SLC26A8: variants seen among roughly 807,000 people sequenced by gnomAD.
The protein encoded by SLC26A8 is testis anion transporter 1.
SLC26A8 carries 70 observed loss-of-function variants against 105.0 expected under a neutral mutation model. The ratio of observed to expected loss-of-function variants is 0.67; its 90% CI spans 0.55 to 0.81. The LOEUF is 0.81. SLC26A8 is among the 40% of genes least tolerant of loss of function. The probability of loss-of-function intolerance (pLI) is 0.00; values close to 1 mark genes in which losing one functional copy is unlikely to be tolerated. For missense variants in SLC26A8, 998 were observed against 1,181.8 expected, an observed-to-expected ratio of 0.84 and a Z score of 2.28; for synonymous variants, 415 against 438.3, an observed-to-expected ratio of 0.95 and a Z score of 0.66.
At chr6:35,977,147 G>A in intron 9 of SLC26A8, 57 bp downstream of exon 9, 1 of 1,553,770 alleles carries the variant, frequency 6.4e-7, no homozygotes, top group South Asian at 1.2e-5. Context: ...ATGTTGGCAG[G>A]AGGCTTTGAT....
intron 11 of SLC26A8, among the ~76,000 whole-genome samples, chr6:35,965,387 G>T (rs1772467321): frequency 6.6e-6 from 1 of 151,958 alleles, no homozygotes; most frequent in Non-Finnish European, 1.5e-5. Flanking sequence ...AAGCATTTTT[G>T]CTCACACCTG....
rs550588031 is a variant in SLC26A8 at position 35,977,242 on chromosome 6, T to C, written c.1135A>G (p.Ile379Val). ...ACACTGTAATTGTGAAGACTGGCAA[T>C]CTTCTTGCCCAGAAATATGAGCAGA... ...SFLLIFLGKK[I>V]ASLHNYSVNS... Residue 379 changes from isoleucine (I) to valine (V), a missense_variant, in exon 9 of 20, where the codon ATT becomes GTT. Transcript: ENST00000490799. The C allele has an allele frequency of 7.4e-4, 1,202 of 1,614,070 alleles. 21 individuals are homozygous for C. The South Asian group carries it at 0.012, about 17-fold the overall frequency.
At chr6:35,992,984 T>A (rs1761220812) in intron 5 of SLC26A8, among the ~76,000 whole-genome samples, 1 of 152,026 alleles carries the variant, frequency 6.6e-6, no homozygotes, top group Non-Finnish European at 1.5e-5. Context: ...GACAAGGTGA[T>A]CAGAACAAGC....
In SLC26A8 at chr6:35,947,212, G is replaced by A. The variant is rs1304179680; in HGVS notation, c.2473-2872C>T. 4.0e-5 allele frequency among the ~76,000 whole-genome samples: 6 copies of A among 151,448 alleles called. No homozygotes were observed. In the South Asian group the frequency reaches 1.3e-3, roughly 32 times the overall value. Reference sequence around the variant, plus strand: ...CCCAGCTAATTTTTTTGTATTTTTTGTAGAGACAGGGTTTTGTCATGTTGG... The same window carrying A: ...CCCAGCTAATTTTTTTGTATTTTTTATAGAGACAGGGTTTTGTCATGTTGG... On this transcript the variant is annotated intron_variant, in intron 19 of 19. Coordinates refer to ENST00000490799, the MANE Select transcript of SLC26A8 (RefSeq NM_052961.4).
chr6:35,951,609 T>C, intron 17 of SLC26A8, 110 bp from the exon 18 acceptor site: 1 of 1,077,270 alleles, frequency 9.3e-7, no homozygotes, highest in South Asian at 1.3e-5. Flanking sequence ...TGACAGAGTC[T>C]CACTCTGTCA....
intron 16 of SLC26A8, among the ~76,000 whole-genome samples, chr6:35,958,298 G>C (rs192467091): frequency 1.3e-5 from 2 of 152,118 alleles, no homozygotes; most frequent in East Asian, 3.9e-4. Context: ...TCTTGAGTTC[G>C]AGACCAGCCT....
chr6:35,963,013 A>C (rs1372648204), intron 11 of SLC26A8, among the ~76,000 whole-genome samples: 1 of 152,132 alleles, frequency 6.6e-6, no homozygotes, highest in Non-Finnish European at 1.5e-5. Flanking sequence ...TGCCAAAAAC[A>C]CAAGGCAAGG....
chr6:35,951,394 C>G (rs768433191), intron 18 of SLC26A8, 47 bp from the exon 19 acceptor site: 3 of 1,613,892 alleles, frequency 1.9e-6, no homozygotes, highest in Non-Finnish European at 2.5e-6. Context: ...ACTTGGGGAG[C>G]AGAGGACCCA....
intron 8 of SLC26A8, among the ~76,000 whole-genome samples, chr6:35,980,315 T>C (rs968674399): frequency 2.0e-5 from 3 of 152,194 alleles, no homozygotes; most frequent in Non-Finnish European, 4.4e-5. Flanking sequence ...AAGCATATTG[T>C]GTAAGTATAA....
chr6:35,954,541 G>A (rs923469155), intron 17 of SLC26A8, among the ~76,000 whole-genome samples: 9 of 152,270 alleles, frequency 5.9e-5, no homozygotes, highest in African/African-American at 1.7e-4. Flanking sequence ...GTTACTGGGC[G>A]TGGCACAGAT....
intron 7 of SLC26A8, among the ~76,000 whole-genome samples, chr6:35,984,303 CT>C (rs1344414850): frequency 1.4e-5 from 2 of 142,854 alleles, no homozygotes. Flanking sequence ...TCTTTTCTTT[CT>C]TTCTTCTTCT....
At chr6:36,020,804 A>G (rs1341934287) in intron 1 of SLC26A8, among the ~76,000 whole-genome samples, 1 of 152,242 alleles carries the variant, frequency 6.6e-6, no homozygotes, top group Non-Finnish European at 1.5e-5. Context: ...GCATATGTAT[A>G]AACCACATAC....
intron 16 of SLC26A8, among the ~76,000 whole-genome samples, chr6:35,957,644 T>C (rs868844347): frequency 6.6e-5 from 10 of 151,548 alleles, no homozygotes; most frequent in African/African-American, 2.4e-4. Context: ...TTTGCTCTTG[T>C]TGCCCAGGCT....
intron 14 of SLC26A8, 102 bp from the exon 15 acceptor site, chr6:35,959,908 T>A: frequency 1.1e-6 from 1 of 915,194 alleles, no homozygotes; most frequent in Non-Finnish European, 1.6e-6. Context: ...TTCTTCTTTT[T>A]TATTTTTTTA....
chr6:36,007,359 A>T (rs1761717195), intron 3 of SLC26A8, among the ~76,000 whole-genome samples: 1 of 152,196 alleles, frequency 6.6e-6, no homozygotes, highest in Admixed American at 6.5e-5. Context: ...CATCATTTAA[A>T]CCCCTAAAAT....
At chr6:35,979,761 G>T (rs1015353137) in intron 8 of SLC26A8, among the ~76,000 whole-genome samples, 1 of 152,100 alleles carries the variant, frequency 6.6e-6, no homozygotes, top group Non-Finnish European at 1.5e-5. Context: ...GCCGATTCTT[G>T]TTAGCAAATG....
chr6:35,962,685 C>T, intron 11 of SLC26A8, 64 bp from the exon 12 acceptor site: 1 of 1,499,676 alleles, frequency 6.7e-7, no homozygotes, highest in Non-Finnish European at 9.2e-7. Flanking sequence ...CAAATCCCCA[C>T]CAAGGAATCA....
intron 9 of SLC26A8, among the ~76,000 whole-genome samples, chr6:35,976,083 T>C (rs1396821931): frequency 6.6e-6 from 1 of 151,994 alleles, no homozygotes; most frequent in Non-Finnish European, 1.5e-5. Flanking sequence ...GGACTTAGGA[T>C]GACAGGGAGA....
chr6:35,991,004 A>G (rs765864017), intron 7 of SLC26A8, among the ~76,000 whole-genome samples: 2 of 152,206 alleles, frequency 1.3e-5, no homozygotes, highest in Non-Finnish European at 2.9e-5. Flanking sequence ...TATTGTGACT[A>G]TAGTTAATAA....
Sources: gnomAD v4.1 joint callset for allele counts (sites outside exome capture counted in the v4.1 genomes callset) on GRCh38, gnomAD v4.1.1 for gene constraint, MANE v1.5 for transcripts, NCBI Gene and HGNC (gene_info 2026-07-23, HGNC 2026-07-21) for gene names.